Variants in EYS observed in about 807,000 individuals in gnomAD.
The protein encoded by EYS is EGF-like photoreceptor maintenance factor, also known as protein eyes shut homolog.
In EYS, 250 loss-of-function variants were observed where a neutral mutation model predicts 282.1. The ratio of observed to expected loss-of-function variants is 0.89; its 90% CI spans 0.80 to 0.98. EYS has a LOEUF of 0.98. EYS is among the 50% of genes least tolerant of loss of function. The pLI is 0.00. For synonymous variants in EYS, 1,355 were observed against 1,282.9 expected, an observed-to-expected ratio of 1.06 and a Z score of -1.20; for missense variants, 4,016 against 3,709.0, an observed-to-expected ratio of 1.08 and a Z score of -2.15.
chr6:64,704,531 TA>T (rs1487734188), intron 22 of EYS, among the ~76,000 whole-genome samples: 1 of 82,318 alleles, frequency 1.2e-5, no homozygotes, highest in Non-Finnish European at 2.5e-5. Flanking sequence ...ATAATACTTA[TA>T]ATAATATTAT....
rs542168802 is a variant in EYS at position 64,557,336 on chromosome 6, G to A, written c.5644+32887C>T. ...TTGTGATTACAAGTTTGGTGACTGG[G>A]CATATTTGTATATTTTTAAACTCCA... On this transcript the variant is annotated intron_variant, in intron 26 of 42. Coordinates refer to ENST00000503581, the MANE Select transcript of EYS (RefSeq NM_001142800.2). Among the ~76,000 whole-genome samples, 3 of 151,686 alleles carry A rather than the reference G, an allele frequency of 2.0e-5. No homozygotes were observed. The East Asian group carries it at 5.8e-4, about 29-fold the overall frequency.
rs373794787 is a variant in EYS at position 64,233,426 on chromosome 6, G to C, written c.6192-2602C>G. 2.4e-4 allele frequency among the ~76,000 whole-genome samples: 37 copies of C among 152,160 alleles called. No individual in the cohort carries two copies. The South Asian group carries it at 6.8e-3, about 28-fold the overall frequency. ...TTCAATTTGTTATATATTTAAAAAGGAAAATTAGTTCACACTGCTAAAATT... is the reference window on the plus strand; with the variant it reads ...TTCAATTTGTTATATATTTAAAAAGCAAAATTAGTTCACACTGCTAAAATT... On this transcript the variant is annotated intron_variant, in intron 30 of 42. Transcript: ENST00000503581.
At chr6:64,072,891 T>TTTAGGTCAA in intron 32 of EYS, among the ~76,000 whole-genome samples, 1 of 152,070 alleles carries the variant, frequency 6.6e-6, no homozygotes, top group Non-Finnish European at 1.5e-5. Flanking sequence ...CAAGCTGTTG[T>TTTAGGTCAA]GCCATATGTA....
intron 26 of EYS, among the ~76,000 whole-genome samples, chr6:64,466,297 A>AC (rs1439250118): frequency 3.3e-5 from 5 of 152,234 alleles, no homozygotes; most frequent in Admixed American, 2.0e-4. Flanking sequence ...AGATACCTGC[A>AC]CCCCCATGTT....
intron 15 of EYS, among the ~76,000 whole-genome samples, chr6:64,926,919 A>G (rs1171556468): frequency 6.6e-6 from 1 of 152,232 alleles, no homozygotes; most frequent in Admixed American, 6.5e-5. Flanking sequence ...TAAAGACTAT[A>G]CAGGCGATAT....
intron 26 of EYS, among the ~76,000 whole-genome samples, chr6:64,519,808 C>A (rs1290811596): frequency 1.3e-5 from 2 of 151,738 alleles, no homozygotes; most frequent in African/African-American, 4.8e-5. Context: ...CATAGCAAAC[C>A]AAACTGGGGA....
chr6:64,892,345 T>C (rs1767317147), intron 18 of EYS, among the ~76,000 whole-genome samples: 1 of 151,946 alleles, frequency 6.6e-6, no homozygotes, highest in South Asian at 2.1e-4. Context: ...TAACACAGAA[T>C]GTTTTAATGA....
At chr6:65,192,187 T>C (rs533932060) in intron 12 of EYS, among the ~76,000 whole-genome samples, 2 of 151,744 alleles carry the variant, frequency 1.3e-5, no homozygotes, top group South Asian at 2.1e-4. Flanking sequence ...TTAATCATGA[T>C]TTTTTATCAT....
chr6:64,593,209 G>A lies in EYS; in HGVS notation c.3785C>T (p.Thr1262Ile), dbSNP rs1261475034. Residue 1262 changes from threonine to isoleucine, a missense_variant, in exon 25 of 43, where the codon ACA (threonine) becomes ATA (isoleucine). Physicochemically the swap from Thr to Ile is moderately conservative, Grantham distance 89. Coordinates refer to ENST00000503581, the MANE Select transcript of EYS (RefSeq NM_001142800.2). ...GACCAAAGTCTCAGAAGGGGGAATT[G>A]TATATGTCTGTGTGGAAATGGGATC... Reference protein sequence around the residue: ...RTDPISTQTYTIPPSETLVSS... With the variant: ...RTDPISTQTYIIPPSETLVSS... 1 of 1,550,512 alleles carries A rather than the reference G, an allele frequency of 6.4e-7. No individual in the cohort carries two copies. Among genetic ancestry groups the A allele is most frequent in the Non-Finnish European group, 8.7e-7 (1 of 1,146,326 alleles).
intron 30 of EYS, among the ~76,000 whole-genome samples, chr6:64,291,665 T>C (rs1402120702): frequency 6.6e-6 from 1 of 152,068 alleles, no homozygotes; most frequent in African/African-American, 2.4e-5. Flanking sequence ...ATCCAACATA[T>C]AACAAAAGTC....
In EYS at chr6:64,919,312, C is replaced by G. The variant is rs9354191; in HGVS notation, c.2382-6569G>C. On this transcript the variant is annotated intron_variant, in intron 15 of 42. Coordinates refer to ENST00000503581, the MANE Select transcript of EYS (RefSeq NM_001142800.2). ...TCAGCCTCTCAAGTAGCTGGGATTA[C>G]AGCCCTGCCATCGCACCCGGCTATT... Among the ~76,000 whole-genome samples the G allele has an allele frequency of 7.9e-5, 12 of 152,156 alleles. No individual in the cohort carries two copies. In the East Asian group the frequency reaches 1.9e-3, roughly 25 times the overall value.
At position 65,443,112 on chromosome 6, in the gene EYS, T is replaced by C. The variant is rs1016545385; in HGVS notation, c.863-37745A>G. On this transcript the variant is annotated intron_variant, in intron 5 of 42. Transcript: ENST00000503581. ...ACATGCATATGCATATACATATATG[T>C]GGATCATATATGTACACATCATACA... Among the ~76,000 whole-genome samples, 3 of 150,792 alleles carry C rather than the reference T, an allele frequency of 2.0e-5. 1 individual carries two copies. The highest frequency in any genetic ancestry group is 1.5e-5 in the Non-Finnish European group (1 of 67,416).
intron 30 of EYS, among the ~76,000 whole-genome samples, chr6:64,284,733 A>T (rs188518921): frequency 8.5e-5 from 13 of 152,140 alleles, no homozygotes; most frequent in Non-Finnish European, 1.6e-4. Flanking sequence ...CCAATTCTTG[A>T]CTTTTCTGCA....
At chr6:64,522,354 TC>T (rs890018378) in intron 26 of EYS, among the ~76,000 whole-genome samples, 45 of 151,846 alleles carry the variant, frequency 3.0e-4, no homozygotes, top group African/African-American at 1.1e-3. Flanking sequence ...CATACCAAGT[TC>T]TTACCACCTC....
At chr6:64,882,377 T>A (rs542604917) in intron 19 of EYS, among the ~76,000 whole-genome samples, 3 of 151,896 alleles carry the variant, frequency 2.0e-5, no homozygotes, top group African/African-American at 7.2e-5. Context: ...AAATAACATA[T>A]ATGTTTGCAC....
intron 5 of EYS, among the ~76,000 whole-genome samples, chr6:65,444,504 C>G (rs1332039113): frequency 6.6e-6 from 1 of 152,052 alleles, no homozygotes; most frequent in African/African-American, 2.4e-5. Context: ...GCGGAAAGGT[C>G]AGTCTTTGGA....
chr6:63,811,805 C>G (rs959389556), intron 36 of EYS, among the ~76,000 whole-genome samples: 44 of 152,284 alleles, frequency 2.9e-4, no homozygotes, highest in Non-Finnish European at 5.3e-4. Flanking sequence ...CCTTCCCTCT[C>G]TTTGCTCAGA....
intron 12 of EYS, among the ~76,000 whole-genome samples, chr6:65,188,764 CAAAAAAAAAAA>C (rs777137794): frequency 2.5e-5 from 2 of 78,768 alleles, no homozygotes; most frequent in African/African-American, 4.5e-5. Flanking sequence ...TTATTGCATG[CAAAAAAAAAAA>C]AAAAAAAAGA....
chr6:65,059,230 A>C (rs1773501352), intron 12 of EYS, among the ~76,000 whole-genome samples: 1 of 152,128 alleles, frequency 6.6e-6, no homozygotes, highest in Admixed American at 6.6e-5. Context: ...TTTAACCAGA[A>C]AAAAAGTTAA....
Sources: allele counts gnomAD v4.1 joint callset (sites outside exome capture counted in the v4.1 genomes callset), GRCh38; gene constraint gnomAD v4.1.1; transcripts MANE v1.5; gene names NCBI Gene and HGNC (gene_info 2026-07-23, HGNC 2026-07-21).